The following LIN52 variants were observed in gnomAD, a reference collection of about 807,000 sequenced individuals.
LIN52 encodes the protein protein lin-52 homolog.
Under a neutral mutation model 18.5 loss-of-function variants are expected in LIN52, and 4 were observed. That is an observed-to-expected ratio of 0.22 (90% CI 0.11 to 0.49). The LOEUF (loss-of-function observed/expected upper bound fraction) is 0.49. Ranked by LOEUF, LIN52 falls within the 20% of genes least tolerant of loss-of-function variation. The probability of loss-of-function intolerance (pLI) is 0.97; values close to 1 mark genes in which losing one functional copy is unlikely to be tolerated. For missense variants in LIN52, 102 were observed against 139.5 expected, an observed-to-expected ratio of 0.73 and a Z score of 1.35; for synonymous variants, 34 against 45.5, an observed-to-expected ratio of 0.75 and a Z score of 1.02.
At chr14:74,195,283 A>G (rs1398517604) in intron 5 of LIN52, among the ~76,000 whole-genome samples, 1 of 152,210 alleles carries the variant, frequency 6.6e-6, no homozygotes, top group Non-Finnish European at 1.5e-5. Flanking sequence ...AAAATGGAGG[A>G]ACTGGGAGTG....
At chr14:74,162,957 C>G (rs541449381) in intron 5 of LIN52, among the ~76,000 whole-genome samples, 1 of 152,076 alleles carries the variant, frequency 6.6e-6, no homozygotes, top group Non-Finnish European at 1.5e-5. Flanking sequence ...TAGGACTATA[C>G]GAATGCATGT....
At position 74,149,363 on chromosome 14, in the gene LIN52, C is replaced by T. The variant is rs536724074; in HGVS notation, c.283+48125C>T. Among the ~76,000 whole-genome samples the T allele has an allele frequency of 7.2e-5, 11 of 152,210 alleles. No individual in the cohort carries two copies. In the East Asian group the frequency reaches 9.6e-4, roughly 13 times the overall value. ...TAACTCTACAAAACGATTAGACTGA[C>T]GTAAAGCAATTCTCTAAATTCATAG... On this transcript the variant is annotated intron_variant, in intron 5 of 5. Transcript: ENST00000555028.
intron 5 of LIN52, among the ~76,000 whole-genome samples, chr14:74,130,010 G>T (rs1178234649): frequency 6.6e-6 from 1 of 152,098 alleles, no homozygotes; most frequent in African/African-American, 2.4e-5. Context: ...CAAAAAGAGA[G>T]CTTGGGCAGG....
chr14:74,197,729 T>C (rs866397609), intron 5 of LIN52, among the ~76,000 whole-genome samples: 3 of 152,320 alleles, frequency 2.0e-5, no homozygotes, highest in South Asian at 4.1e-4. Context: ...GGGGAATGTA[T>C]AGACTGAAGT....
At chr14:74,188,565 C>A (rs1855144945) in intron 5 of LIN52, among the ~76,000 whole-genome samples, 1 of 151,898 alleles carries the variant, frequency 6.6e-6, no homozygotes, top group African/African-American at 2.4e-5. Flanking sequence ...CCCGTTTCCC[C>A]CCACACTCAT....
chr14:74,129,832 A>C (rs1056754677), intron 5 of LIN52, among the ~76,000 whole-genome samples: 3 of 152,206 alleles, frequency 2.0e-5, no homozygotes, highest in African/African-American at 2.4e-5. Flanking sequence ...TGGGGGACAG[A>C]GTGAGACCCT....
At chr14:74,140,384 A>G (rs1475318834) in intron 5 of LIN52, among the ~76,000 whole-genome samples, 1 of 152,206 alleles carries the variant, frequency 6.6e-6, no homozygotes, top group African/African-American at 2.4e-5. Flanking sequence ...ATTGGATAAT[A>G]TAGCTACACC....
At chr14:74,154,364 T>C (rs1233037242) in intron 5 of LIN52, among the ~76,000 whole-genome samples, 1 of 152,236 alleles carries the variant, frequency 6.6e-6, no homozygotes, top group East Asian at 1.9e-4. Context: ...TGGAGGTTGT[T>C]CTTAATCATA....
intron 5 of LIN52, among the ~76,000 whole-genome samples, chr14:74,132,860 C>A (rs2061076208): frequency 6.6e-6 from 1 of 152,072 alleles, no homozygotes; most frequent in Admixed American, 6.5e-5. Context: ...CTTAGCATTT[C>A]CTTAGAACTA....
chr14:74,128,823 A>G (rs2061043155), intron 5 of LIN52, among the ~76,000 whole-genome samples: 1 of 152,166 alleles, frequency 6.6e-6, no homozygotes, highest in Non-Finnish European at 1.5e-5. Context: ...GCACGCCTGT[A>G]ATCCCAGCTA....
Position 74,137,498 on chromosome 14 carries a change from C to CTTTTTT in LIN52, c.283+36273_283+36278dup, listed in dbSNP as rs71460959. ...GCACTAAATTCTTCACAGCAGCTCT[C>CTTTTTT]TTTTTTTTTTTTTTTTTTGAGATGG... On this transcript the variant is annotated intron_variant, in intron 5 of 5. Coordinates refer to ENST00000555028, the MANE Select transcript of LIN52 (RefSeq NM_001024674.3). Among the ~76,000 whole-genome samples the CTTTTTT allele has an allele frequency of 9.9e-5, 11 of 111,602 alleles. 1 individual carries two copies. The highest frequency in any genetic ancestry group is 3.3e-4 in the African/African-American group (9 of 26,874). The allele number at this position is 111,602 out of a possible 152,430, so 73.2% of individuals were successfully genotyped here.
intron 5 of LIN52, among the ~76,000 whole-genome samples, chr14:74,134,798 C>A (rs1245306778): frequency 6.6e-6 from 1 of 152,074 alleles, no homozygotes; most frequent in Non-Finnish European, 1.5e-5. Context: ...GTGGTGTGCC[C>A]ACAACCATTT....
At chr14:74,198,117 A>T (rs539618386) in intron 5 of LIN52, among the ~76,000 whole-genome samples, 2 of 152,322 alleles carry the variant, frequency 1.3e-5, no homozygotes, top group South Asian at 2.1e-4. Context: ...CAGGATGAGG[A>T]TGAGGATGAG....
chr14:74,188,418 T>G (rs2358634), intron 5 of LIN52, among the ~76,000 whole-genome samples: 1 of 151,914 alleles, frequency 6.6e-6, no homozygotes, highest in East Asian at 1.9e-4. Flanking sequence ...TTGGATTTTA[T>G]AATTTCATGA....
intron 1 of LIN52, among the ~76,000 whole-genome samples, chr14:74,087,079 C>T (rs568679680): frequency 3.3e-5 from 5 of 152,050 alleles, no homozygotes; most frequent in African/African-American, 4.8e-5. Context: ...CCCCTGTCAT[C>T]TCTCAATTTA....
intron 5 of LIN52, among the ~76,000 whole-genome samples, chr14:74,125,681 A>T (rs2061025510): frequency 6.6e-6 from 1 of 152,074 alleles, no homozygotes. Flanking sequence ...AATGTGGCAC[A>T]TATTCACCCT....
intron 5 of LIN52, among the ~76,000 whole-genome samples, chr14:74,110,538 C>T (rs2060919828): frequency 6.6e-6 from 1 of 152,150 alleles, no homozygotes; most frequent in Non-Finnish European, 1.5e-5. Context: ...GGCATGGTGG[C>T]GCACGCCCAT....
intron 5 of LIN52, among the ~76,000 whole-genome samples, chr14:74,141,395 C>T (rs2061129958): frequency 6.6e-6 from 1 of 152,192 alleles, no homozygotes; most frequent in African/African-American, 2.4e-5. Flanking sequence ...CATAGATCTG[C>T]TTCACTGTTT....
chr14:74,122,829 C>T (rs372157822), intron 5 of LIN52, among the ~76,000 whole-genome samples: 2 of 152,088 alleles, frequency 1.3e-5, no homozygotes, highest in East Asian at 1.9e-4. Context: ...TCATGTGCTA[C>T]GGCACTCCAG....
Sources: gnomAD v4.1 joint callset for allele counts (sites outside exome capture counted in the v4.1 genomes callset) on GRCh38, gnomAD v4.1.1 for gene constraint, MANE v1.5 for transcripts, NCBI Gene and HGNC (gene_info 2026-07-23, HGNC 2026-07-21) for gene names.